Variants in DMD observed in about 807,000 individuals in gnomAD.
The protein encoded by DMD is mutant dystrophin.
A neutral mutation model predicts 330.1 loss-of-function variants in DMD; 63 were observed. The observed-to-expected ratio is 0.19, with a 90% CI of 0.16 to 0.24. The LOEUF (loss-of-function observed/expected upper bound fraction) is 0.24, where lower values mean the gene tolerates loss of function less well. Ranked by LOEUF, DMD falls within the 10% of genes least tolerant of loss-of-function variation. The pLI is 1.00. For missense variants in DMD, 3,344 were observed against 2,684.1 expected (o/e 1.25, Z -5.43); for synonymous variants, 1,223 against 959.8 (o/e 1.27, Z -5.07).
chrX:32,640,801 T>G (rs757766215), intron 11 of DMD, among the ~76,000 whole-genome samples: 1 of 111,567 alleles, frequency 9.0e-6, no homozygotes, highest in East Asian at 2.8e-4. Context: ...CTGATAGGTT[T>G]TCTTGACCTA....
intron 1 of DMD, among the ~76,000 whole-genome samples, chrX:33,280,896 T>C (rs1052628058): frequency 9.0e-6 from 1 of 111,580 alleles, no homozygotes; most frequent in Non-Finnish European, 1.9e-5. Flanking sequence ...CCTTATTCAA[T>C]AGTTTTGGCT....
At chrX:32,111,206 A>G (rs967742601) in intron 44 of DMD, among the ~76,000 whole-genome samples, 11 of 112,117 alleles carry the variant, frequency 9.8e-5, no homozygotes, top group Admixed American at 9.5e-5. Flanking sequence ...AGAGGGATGG[A>G]AAAAATACAG....
chrX:33,259,248 G>A (rs756890071), intron 1 of DMD, among the ~76,000 whole-genome samples: 1 of 110,083 alleles, frequency 9.1e-6, no homozygotes, highest in Non-Finnish European at 1.9e-5. Flanking sequence ...CTAGCCCTAC[G>A]AACATACAGC....
intron 51 of DMD, among the ~76,000 whole-genome samples, chrX:31,754,907 T>C (rs1311473155): frequency 8.9e-6 from 1 of 112,070 alleles, no homozygotes; most frequent in African/African-American, 3.2e-5. Context: ...TTTTGTTTTG[T>C]AGTTAGACCG....
At chrX:32,724,432 C>A (rs1023361585) in intron 7 of DMD, among the ~76,000 whole-genome samples, 4 of 111,710 alleles carry the variant, frequency 3.6e-5, no homozygotes, top group Admixed American at 9.6e-5. Context: ...TTATTTCACA[C>A]AAAATGGTTA....
chrX:32,136,551 TTAAACAAAACAA>T (rs1238292947), intron 44 of DMD, among the ~76,000 whole-genome samples: 7 of 72,049 alleles, frequency 9.7e-5, no homozygotes, highest in Non-Finnish European at 1.7e-4. Flanking sequence ...GCAACAGAGA[TTAAACAAAACAA>T]AACAAAACAA....
intron 11 of DMD, among the ~76,000 whole-genome samples, chrX:32,630,520 T>C (rs1030246604): frequency 2.7e-5 from 3 of 111,126 alleles, no homozygotes; most frequent in Non-Finnish European, 5.7e-5. Flanking sequence ...CAATAAACTT[T>C]TTAGGACTTT....
intron 59 of DMD, among the ~76,000 whole-genome samples, chrX:31,473,496 C>A (rs772009796): frequency 1.8e-5 from 2 of 109,963 alleles, no homozygotes; most frequent in Non-Finnish European, 3.8e-5. Flanking sequence ...CCAAGGTGGG[C>A]GGATCACGAG....
chrX:32,364,491 T>G, intron 36 of DMD, 91 bp downstream of exon 36: 1 of 1,031,762 alleles, frequency 9.7e-7, no homozygotes, highest in Non-Finnish European at 1.4e-6. Flanking sequence ...GTTTTACTCT[T>G]ATTAAGACGT....
At chrX:32,047,024 T>C (rs1365151203) in intron 44 of DMD, among the ~76,000 whole-genome samples, 1 of 111,609 alleles carries the variant, frequency 9.0e-6, no homozygotes. Context: ...GCTTAGAGTT[T>C]ATATATTTGT....
chrX:32,760,400 A>C (rs988851664), intron 7 of DMD, among the ~76,000 whole-genome samples: 2 of 111,961 alleles, frequency 1.8e-5, no homozygotes, highest in African/African-American at 6.5e-5. Flanking sequence ...TTCCAGGGCA[A>C]ATATCTGCCC....
intron 2 of DMD, among the ~76,000 whole-genome samples, chrX:32,895,261 A>G (rs2149273758): frequency 8.9e-6 from 1 of 112,750 alleles, no homozygotes; most frequent in East Asian, 2.8e-4. Context: ...GAAGGACTAC[A>G]GAATCTATTT....
At position 32,699,202 on chromosome X, in the gene DMD, G is replaced by A. The variant is rs2147605009; in HGVS notation, c.741C>T (p.Ala247=). ...TTGGCAACATTTCCACTTCCTGGATGGCTTCAATGCTCACTTGTTGAGGCA... is the reference window on the plus strand; with the variant it reads ...TTGGCAACATTTCCACTTCCTGGATAGCTTCAATGCTCACTTGTTGAGGCA... ...QVLPQQVSIE[A]IQEVEMLPRP... The change falls in exon 8 of 79, where the codon GCC becomes GCT. Residue 247 remains alanine, a synonymous_variant. Transcript: ENST00000357033. 2 of 1,208,408 alleles carry A rather than the reference G, an allele frequency of 1.7e-6. No individual in the cohort carries two copies. Among genetic ancestry groups the A allele is most frequent in the Non-Finnish European group, 2.2e-6 (2 of 892,650 alleles).
chrX:32,811,750 AAACAC>A (rs2077385033), intron 6 of DMD, among the ~76,000 whole-genome samples: 1 of 112,475 alleles, frequency 8.9e-6, no homozygotes, highest in Admixed American at 9.4e-5. Flanking sequence ...AAATGTGAAA[AAACAC>A]AGACAATAAG....
intron 1 of DMD, among the ~76,000 whole-genome samples, chrX:33,115,889 C>A (rs1322458432): frequency 3.6e-5 from 4 of 109,958 alleles, no homozygotes; most frequent in Non-Finnish European, 7.6e-5. Context: ...GTTTTATAAA[C>A]AATGATTCAA....
At chrX:31,293,497 G>C (rs2053933392) in intron 62 of DMD, among the ~76,000 whole-genome samples, 1 of 110,762 alleles carries the variant, frequency 9.0e-6, no homozygotes, top group Non-Finnish European at 1.9e-5. Flanking sequence ...TTGCTGTTTA[G>C]ACAGCGTTAG....
chrX:32,823,830 G>A (rs2078479792), intron 4 of DMD, among the ~76,000 whole-genome samples: 1 of 111,413 alleles, frequency 9.0e-6, no homozygotes, highest in Admixed American at 9.6e-5. Flanking sequence ...AAACAATGGA[G>A]CAAACTGCCA....
chrX:32,480,398 GTGTA>G (rs199910273), intron 21 of DMD, among the ~76,000 whole-genome samples: 486 of 107,840 alleles, frequency 4.5e-3, no homozygotes, highest in African/African-American at 0.017. Context: ...GTGTGTGTGT[GTGTA>G]TATGTCTACA....
chrX:32,360,172 T>C (rs1439458481), intron 37 of DMD, among the ~76,000 whole-genome samples: 1 of 112,110 alleles, frequency 8.9e-6, no homozygotes, highest in Non-Finnish European at 1.9e-5. Context: ...GTGTTAAACA[T>C]ATTTTATGAT....
Sources: allele counts gnomAD v4.1 joint callset (sites outside exome capture counted in the v4.1 genomes callset), GRCh38; gene constraint gnomAD v4.1.1; transcripts MANE v1.5; gene names NCBI Gene and HGNC (gene_info 2026-07-23, HGNC 2026-07-21).